The following TNXB variants were observed in gnomAD, a reference collection of about 807,000 sequenced individuals.
The protein encoded by TNXB is tenascin XB, also known as tenascin-X.
TNXB carries 183 observed loss-of-function variants against 340.5 expected under a neutral mutation model. The ratio of observed to expected loss-of-function variants is 0.54; its 90% CI spans 0.48 to 0.61. The LOEUF is 0.61. Ranked by LOEUF, TNXB falls within the 20% of genes least tolerant of loss-of-function variation. The pLI, the probability that TNXB is intolerant of heterozygous loss-of-function variation, is 0.00. For missense variants in TNXB, 4,613 were observed against 5,446.4 expected (o/e 0.85, Z 4.82); for synonymous variants, 2,121 against 2,314.5 (o/e 0.92, Z 2.40).
Position 32,043,534 on chromosome 6 carries a change from C to A in TNXB, c.11553G>T (p.Leu3851Phe). 1 of 923,584 alleles carries A rather than the reference C, an allele frequency of 1.1e-6. No individual in the cohort carries two copies. Among genetic ancestry groups the A allele is most frequent in the Non-Finnish European group, 1.7e-6 (1 of 596,378 alleles). 57.2% of individuals were successfully genotyped at this position (923,584 alleles called of 1,614,324 possible). A position where few individuals can be genotyped will look rare whatever the true frequency, so the allele number is the denominator to read the frequency against. The change falls in exon 36 of 44, where the codon TTG (leucine) becomes TTT (phenylalanine). Residue 3851 changes from leucine (L) to phenylalanine (F), a missense_variant. Leu to Phe is a conservative substitution (Grantham distance 22). Transcript: ENST00000644971. ...ATCCCTCGGTCAAGTTCAGTGCACG[C>A]AACTGTGTGGGACCGTCAGGAACTG... ...LTTVPDGPTQ[L>F]RALNLTEGFA...
chr6:32,093,459 G>C (rs772773673), intron 4 of TNXB: 42 of 690,648 alleles, frequency 6.1e-5, no homozygotes, highest in Non-Finnish European at 9.8e-5. Context: ...GGGCTGGCCT[G>C]AGGAGCATAA....
Position 32,043,609 on chromosome 6 carries a change from G to A in TNXB, c.11531-53C>T. ...GTCCCCGCGGCTCTCTCTACTCCGTGCCTCCCCAGACTCCACTGGCCTCCC... is the reference window on the plus strand; with the variant it reads ...GTCCCCGCGGCTCTCTCTACTCCGTACCTCCCCAGACTCCACTGGCCTCCC... On this transcript the variant is annotated intron_variant, in intron 35 of 43. Coordinates refer to ENST00000644971, the MANE Select transcript of TNXB (RefSeq NM_001365276.2). The A allele has an allele frequency of 3.9e-6, 5 of 1,298,374 alleles. No homozygotes were observed. The South Asian group carries it at 5.9e-5, about 15-fold the overall frequency. 80.4% of individuals were successfully genotyped at this position (1,298,374 alleles called of 1,614,324 possible). A position where few individuals can be genotyped will look rare whatever the true frequency, so the allele number is the denominator to read the frequency against.
At position 32,056,162 on chromosome 6, in the gene TNXB, TC is replaced by T; in HGVS notation, c.8155del (p.Glu2719ArgfsTer24). 6.2e-7 allele frequency: 1 copy of T among 1,611,266 alleles called. No individual in the cohort carries two copies. Among genetic ancestry groups the T allele is most frequent in the Non-Finnish European group, 8.5e-7 (1 of 1,178,782 alleles). On this transcript the variant is annotated frameshift_variant, in exon 24 of 44. Coordinates refer to ENST00000644971, the MANE Select transcript of TNXB (RefSeq NM_001365276.2). LOFTEE classifies it high-confidence loss of function. ...SVIGVTAAEEETPSPTELSTE... is the reference protein window; with the variant it reads ...SVIGVTAAEEXTPSPTELSTE... ...GCTGAGTTCCGTGGGGCTGGGGGTCTCTTCCTCTGCAGCTGAGAAAAGGAGA... is the reference window on the plus strand; with the variant it reads ...GCTGAGTTCCGTGGGGCTGGGGGTCTTTCCTCTGCAGCTGAGAAAAGGAGA...
chr6:32,081,840 G>T lies in TNXB; in HGVS notation c.3737-167C>A, dbSNP rs1392103740. Among the ~76,000 whole-genome samples the T allele has an allele frequency of 6.6e-6, 1 of 152,088 alleles. No individual in the cohort carries two copies. Among genetic ancestry groups the T allele is most frequent in the Admixed American group, 6.5e-5 (1 of 15,284 alleles). On this transcript the variant is annotated intron_variant, in intron 9 of 43. Coordinates refer to ENST00000644971, the MANE Select transcript of TNXB (RefSeq NM_001365276.2). The surrounding 1 kb of genome is among the most constrained non-coding windows in gnomAD (Gnocchi z 5.1). ...CAGCCAGGGTATGACACACCTTCTG[G>T]GCCACGGGGAGCTGCTGCTTGGGAT...
chr6:32,081,286 G>T lies in TNXB; in HGVS notation c.4042+82C>A. On this transcript the variant is annotated intron_variant, in intron 10 of 43. Transcript: ENST00000644971. The surrounding 1 kb of genome is among the most constrained non-coding windows in gnomAD (Gnocchi z 5.1). The stretch of plus-strand genomic sequence containing the variant: ...AATGAGCTGAGAAGGCGAAGATGGA[G>T]GGAGGCTGGAAGGAGCCCCAGCCAA... The T allele has an allele frequency of 7.3e-7, 1 of 1,372,380 alleles. No individual in the cohort carries two copies. The highest frequency in any genetic ancestry group is 9.9e-7 in the Non-Finnish European group (1 of 1,013,894). 85.0% of individuals were successfully genotyped at this position (1,372,380 alleles called of 1,614,324 possible).
At position 32,064,140 on chromosome 6, in the gene TNXB, G is replaced by A. The variant is rs11753763; in HGVS notation, c.6841+681C>T. 6.6e-6 allele frequency among the ~76,000 whole-genome samples: 1 copy of A among 152,164 alleles called. No homozygotes were observed. Among genetic ancestry groups the A allele is most frequent in the Non-Finnish European group, 1.5e-5 (1 of 68,030 alleles). ...AGCCACACTCCCGCCCACCCTTCAC[G>A]ACAGGTATGGTTATTCCTTCTTTAC... On this transcript the variant is annotated intron_variant, in intron 19 of 43. Coordinates refer to ENST00000644971, the MANE Select transcript of TNXB (RefSeq NM_001365276.2). The surrounding 1 kb of genome is among the most constrained non-coding windows in gnomAD (Gnocchi z 5.3).
At position 32,070,260 on chromosome 6, in the gene TNXB, C is replaced by G. The variant is rs776779743; in HGVS notation, c.5145G>C (p.Gln1715His). Residue 1715 changes from glutamine to histidine, a missense_variant, in exon 14 of 44, where the codon CAG becomes CAC. Physicochemically the swap from Gln to His is conservative, Grantham distance 24 (BLOSUM62 0). Around this residue, in one of 7 missense-constraint regions of TNXB, gnomAD observed 4,327 missense variants for 4,859.4 expected, o/e 0.89. Coordinates refer to ENST00000644971, the MANE Select transcript of TNXB (RefSeq NM_001365276.2). This position sits in a 1 kb window ranked among gnomAD's most constrained non-coding sequence, Gnocchi z 6.0. Reference sequence around the variant, plus strand: ...GCTCATGGCCCTCCACGGGCACCACCTGGGGCCCGTCTTTGTCCTTGAACT... The same window carrying G: ...GCTCATGGCCCTCCACGGGCACCACGTGGGGCCCGTCTTTGTCCTTGAACT... The part of the protein sequence containing the change: ...VVQFKDKDGP[Q>H]VVPVEGHERS... The G allele has an allele frequency of 1.2e-6, 2 of 1,612,790 alleles. No homozygotes were observed. The highest frequency in any genetic ancestry group is 1.7e-6 in the Non-Finnish European group (2 of 1,179,482).
rs1470584605 is a variant in TNXB, at chr6:32,083,587, C to T, written c.3445+826G>A. Among the ~76,000 whole-genome samples, 1 of 152,196 alleles carries T rather than the reference C, an allele frequency of 6.6e-6. No homozygotes were observed. The highest frequency in any genetic ancestry group is 1.5e-5 in the Non-Finnish European group (1 of 68,038). ...GAACCCTGGGGGCTGCCTGGTACAC[C>T]TTGCTTTCCTTCGCCTCCCCCATCC... On this transcript the variant is annotated intron_variant, in intron 8 of 43. Coordinates refer to ENST00000644971, the MANE Select transcript of TNXB (RefSeq NM_001365276.2). The surrounding 1 kb of genome is among the most constrained non-coding windows in gnomAD (Gnocchi z 4.6).
At chr6:32,056,421 A>G (rs1423859338) in intron 23 of TNXB, among the ~76,000 whole-genome samples, 165 bp downstream of exon 23, 1 of 152,078 alleles carries the variant, frequency 6.6e-6, no homozygotes, top group African/African-American at 2.4e-5. Context: ...CCTGCTCAGG[A>G]GGAGCCAGGG....
rs1016095149 is a variant in TNXB, at chr6:32,064,829, C to A, written c.6833G>T (p.Gly2278Val). 4 of 1,609,956 alleles carry A rather than the reference C, an allele frequency of 2.5e-6. No individual in the cohort carries two copies. The highest frequency in any genetic ancestry group is 2.5e-6 in the Non-Finnish European group (3 of 1,178,988). The stretch of plus-strand genomic sequence containing the variant: ...CCCTACTGCACACTCACCAGTTAAA[C>A]CAACAGCAGACACGGGGCCCACGCG... ...GQRVGPVSAV[G>V]LTAPGKDEEM... Residue 2278 changes from glycine to valine, a missense_variant, in exon 19 of 44, where the codon GGT (glycine) becomes GTT (valine). Around this residue, in one of 7 missense-constraint regions of TNXB, gnomAD observed 4,327 missense variants for 4,859.4 expected, o/e 0.89. Coordinates refer to ENST00000644971, the MANE Select transcript of TNXB (RefSeq NM_001365276.2). The surrounding 1 kb of genome is among the most constrained non-coding windows in gnomAD (Gnocchi z 5.3).
In TNXB at chr6:32,074,922, C is replaced by T. The variant is rs376261918; in HGVS notation, c.4376-970G>A. Among the ~76,000 whole-genome samples, 9 of 152,316 alleles carry T rather than the reference C, an allele frequency of 5.9e-5. No individual in the cohort carries two copies. In the South Asian group the frequency reaches 8.3e-4, roughly 14 times the overall value. ...CTTGAACTCCCGACCTCAGGTGATC[C>T]GCCCGCCTCGGCCTCCCCAAGTGCT... On this transcript the variant is annotated intron_variant, in intron 11 of 43. Coordinates refer to ENST00000644971, the MANE Select transcript of TNXB (RefSeq NM_001365276.2). The surrounding 1 kb of genome is among the most constrained non-coding windows in gnomAD (Gnocchi z 5.5).
At chr6:32,086,159 T>G in intron 6 of TNXB, 41 bp from the exon 7 acceptor site, 1 of 1,449,120 alleles carries the variant, frequency 6.9e-7, no homozygotes, top group South Asian at 1.5e-5. Flanking sequence ...GAGTCCAGTA[T>G]GAGAACTAGA....
chr6:32,105,330 C>G (rs1780924729), intron 1 of TNXB, among the ~76,000 whole-genome samples: 1 of 152,202 alleles, frequency 6.6e-6, no homozygotes, highest in Non-Finnish European at 1.5e-5. Flanking sequence ...CAGCATCATG[C>G]CATTCTCATG....
chr6:32,079,314 T>G lies in TNXB; in HGVS notation c.4094A>C (p.Glu1365Ala), dbSNP rs750603754. The change falls in exon 11 of 44, where the codon GAG (glutamate) becomes GCG (alanine). Residue 1365 changes from glutamate to alanine, a missense_variant. Physicochemically the swap from Glu to Ala is moderately radical, Grantham distance 107. Transcript: ENST00000644971. This position sits in a 1 kb window ranked among gnomAD's most constrained non-coding sequence, Gnocchi z 7.1. Reference protein sequence around the residue: ...ETPSPTELGTEAPESPEEPLL... With the variant: ...ETPSPTELGTAAPESPEEPLL... The stretch of plus-strand genomic sequence containing the variant: ...CGGCTCCTCGGGGGACTCCGGGGCC[T>G]CCGTGCCCAGTTCTGTGGGGCTGGG... 2 of 1,612,542 alleles carry G rather than the reference T, an allele frequency of 1.2e-6. No homozygotes were observed. Among genetic ancestry groups the G allele is most frequent in the Admixed American group, 3.3e-5 (2 of 59,994 alleles).
At chr6:32,088,265 A>G (rs1779908154) in intron 6 of TNXB, among the ~76,000 whole-genome samples, 1 of 152,212 alleles carries the variant, frequency 6.6e-6, no homozygotes, top group African/African-American at 2.4e-5. Flanking sequence ...GTCGGGGAAG[A>G]GAACATGAGC....
Position 32,079,460 on chromosome 6 carries a change from G to T in TNXB, c.4043-95C>A. On this transcript the variant is annotated intron_variant, in intron 10 of 43. Coordinates refer to ENST00000644971, the MANE Select transcript of TNXB (RefSeq NM_001365276.2). This position sits in a 1 kb window ranked among gnomAD's most constrained non-coding sequence, Gnocchi z 7.1. ...AAATGCCCTTACGCTGTGGGCTCAG[G>T]GGCTCTGTAGCCTTTGTATTTGCCA... 1 of 1,025,386 alleles carries T rather than the reference G, an allele frequency of 9.8e-7. No homozygotes were observed. The allele number at this position is 1,025,386 out of a possible 1,614,324, so 63.5% of individuals were successfully genotyped here.
Position 32,085,651 on chromosome 6 carries a change from T to C in TNXB, c.3148+99A>G. The C allele has an allele frequency of 7.3e-7, 1 of 1,370,014 alleles. No individual in the cohort carries two copies. Among genetic ancestry groups the C allele is most frequent in the Non-Finnish European group, 9.6e-7 (1 of 1,041,182 alleles). 84.9% of individuals were successfully genotyped at this position (1,370,014 alleles called of 1,614,324 possible). ...CAGCCCCAAACATCAGCCCTGCCCT[T>C]CACTGGCCCCTCAATATCCATCCTA... On this transcript the variant is annotated intron_variant, in intron 7 of 43. Transcript: ENST00000644971. The surrounding 1 kb of genome is among the most constrained non-coding windows in gnomAD (Gnocchi z 6.4).
Position 32,061,219 on chromosome 6 carries a change from G to A in TNXB, c.7492+178C>T, listed in dbSNP as rs1397456108. On this transcript the variant is annotated intron_variant, in intron 21 of 43. Transcript: ENST00000644971. This position sits in a 1 kb window ranked among gnomAD's most constrained non-coding sequence, Gnocchi z 4.4. Reference sequence around the variant, plus strand: ...GTTATCAGTGGTTGACCATTAGAGGGAGGCCACGCCAAAGTGAACAAGCAA... The same window carrying A: ...GTTATCAGTGGTTGACCATTAGAGGAAGGCCACGCCAAAGTGAACAAGCAA... 3.9e-4 allele frequency among the ~76,000 whole-genome samples: 59 copies of A among 151,836 alleles called. No homozygotes were observed. Among genetic ancestry groups the A allele is most frequent in the Non-Finnish European group, 4.4e-5 (3 of 68,036 alleles).
chr6:32,092,561 G>A (rs1302082165), intron 4 of TNXB, among the ~76,000 whole-genome samples: 1 of 151,990 alleles, frequency 6.6e-6, no homozygotes, highest in East Asian at 1.9e-4. Flanking sequence ...ATTGTGGCAG[G>A]TGTCTGTAAT....
Sources: gnomAD v4.1 joint callset for allele counts (sites outside exome capture counted in the v4.1 genomes callset) on GRCh38, gnomAD v4.1.1 for gene constraint, gnomAD v4.1.1 regional missense constraint, Gnocchi (gnomAD v3.1) non-coding constraint, MANE v1.5 for transcripts, NCBI Gene and HGNC (gene_info 2026-07-23, HGNC 2026-07-21) for gene names.